Variants in GRID2 observed in about 807,000 individuals in gnomAD.
GRID2 encodes glutamate receptor ionotropic, delta-2.
A neutral mutation model predicts 114.8 loss-of-function variants in GRID2; 33 were observed. The ratio of observed to expected loss-of-function variants is 0.29; its 90% CI spans 0.22 to 0.38. GRID2 has a LOEUF of 0.38. Ranked by LOEUF, GRID2 falls within the 10% of genes least tolerant of loss-of-function variation. The pLI, the probability that GRID2 is intolerant of heterozygous loss-of-function variation, is 1.00. For synonymous variants in GRID2, 505 were observed against 449.9 expected (o/e 1.12, Z -1.55); for missense variants, 1,184 against 1,257.7 (o/e 0.94, Z 0.89).
chr4:92,582,847 C>T (rs1728247035), intron 1 of GRID2, among the ~76,000 whole-genome samples: 1 of 151,608 alleles, frequency 6.6e-6, no homozygotes, highest in African/African-American at 2.4e-5. Context: ...ATTAGCCAAG[C>T]TTGGTTGCAT....
chr4:93,586,326 T>C (rs1376336173), intron 13 of GRID2, among the ~76,000 whole-genome samples: 1 of 152,054 alleles, frequency 6.6e-6, no homozygotes, highest in African/African-American at 2.4e-5. Flanking sequence ...TTTTCTCATA[T>C]CCTTCACCTT....
At chr4:92,372,247 T>C (rs1242766444) in intron 1 of GRID2, among the ~76,000 whole-genome samples, 1 of 152,198 alleles carries the variant, frequency 6.6e-6, no homozygotes, top group Non-Finnish European at 1.5e-5. Context: ...GTTTAGAGCA[T>C]GGACTCCAAT....
intron 1 of GRID2, among the ~76,000 whole-genome samples, chr4:92,320,517 C>T (rs1297432077): frequency 6.6e-6 from 1 of 151,986 alleles, no homozygotes; most frequent in Non-Finnish European, 1.5e-5. Flanking sequence ...CTCTGTTGCC[C>T]AGACTGGAGT....
At chr4:92,996,772 G>T (rs1755225337) in intron 2 of GRID2, among the ~76,000 whole-genome samples, 1 of 152,074 alleles carries the variant, frequency 6.6e-6, no homozygotes, top group Non-Finnish European at 1.5e-5. Flanking sequence ...GTTGGAGCAG[G>T]CCTAATGTCT....
intron 8 of GRID2, among the ~76,000 whole-genome samples, chr4:93,385,035 A>G (rs550066789): frequency 2.4e-4 from 37 of 152,330 alleles, no homozygotes; most frequent in African/African-American, 7.9e-4. Context: ...ACTCTGCAAT[A>G]AAATAAAAAT....
chr4:93,398,123 A>ATGTG (rs151125359), intron 9 of GRID2, among the ~76,000 whole-genome samples: 2 of 131,600 alleles, frequency 1.5e-5, no homozygotes, highest in African/African-American at 3.2e-5. Flanking sequence ...ACATACATGT[A>ATGTG]TGTGTGTGTG....
Position 93,224,628 on chromosome 4 carries a change from C to T in GRID2, c.978C>T (p.Tyr326=), listed in dbSNP as rs150053332. 7.7e-5 allele frequency: 124 copies of T among 1,608,448 alleles called. 1 individual carries two copies. The African/African-American group carries it at 1.6e-3, about 20-fold the overall frequency. ...FAQNMEISNL[Y]IYDTVLLLAN... Reference sequence around the variant, plus strand: ...TGTCTTTTCAGATTTCCAACCTTTACATATATGACACGGTGCTTCTGCTTG... The same window carrying T: ...TGTCTTTTCAGATTTCCAACCTTTATATATATGACACGGTGCTTCTGCTTG... The change falls in exon 7 of 16, where the codon TAC becomes TAT. Residue 326 remains tyrosine (Y), a synonymous_variant. Transcript: ENST00000282020.
intron 11 of GRID2, among the ~76,000 whole-genome samples, chr4:93,472,637 T>C (rs935425182): frequency 6.6e-6 from 1 of 152,136 alleles, no homozygotes; most frequent in African/African-American, 2.4e-5. Flanking sequence ...TTTTTGCATA[T>C]GAATGGAACA....
intron 4 of GRID2, among the ~76,000 whole-genome samples, chr4:93,138,690 C>T (rs1360588659): frequency 6.6e-6 from 1 of 152,204 alleles, no homozygotes; most frequent in Non-Finnish European, 1.5e-5. Flanking sequence ...CAGTTCTCTT[C>T]CTATCTCTAT....
chr4:93,363,993 T>A (rs1762107206), intron 8 of GRID2, among the ~76,000 whole-genome samples: 1 of 152,066 alleles, frequency 6.6e-6, no homozygotes, highest in South Asian at 2.1e-4. Context: ...CTCAGTTAAA[T>A]TCTCTTGCCA....
At chr4:92,731,990 G>A (rs998128618) in intron 2 of GRID2, among the ~76,000 whole-genome samples, 2 of 151,872 alleles carry the variant, frequency 1.3e-5, no homozygotes, top group Non-Finnish European at 2.9e-5. Context: ...CTTAGGGTAT[G>A]TAGTCTTATC....
intron 1 of GRID2, among the ~76,000 whole-genome samples, chr4:92,573,943 G>T (rs182944917): frequency 3.3e-5 from 5 of 152,130 alleles, no homozygotes; most frequent in African/African-American, 9.7e-5. Flanking sequence ...AGAAGCCTAA[G>T]TCTCTTTAAA....
At chr4:93,400,509 A>C (rs1765770616) in intron 9 of GRID2, among the ~76,000 whole-genome samples, 1 of 152,130 alleles carries the variant, frequency 6.6e-6, no homozygotes, top group Admixed American at 6.6e-5. Context: ...GCAATAAATG[A>C]CCAATTAAGT....
chr4:93,228,373 A>G (rs997425648), intron 7 of GRID2, among the ~76,000 whole-genome samples: 13 of 152,184 alleles, frequency 8.5e-5, no homozygotes, highest in Admixed American at 7.2e-4. Flanking sequence ...CAATAACAGC[A>G]TTAATCCGTT....
intron 13 of GRID2, among the ~76,000 whole-genome samples, chr4:93,544,792 G>A (rs201308440): frequency 3.5e-5 from 5 of 144,440 alleles, no homozygotes; most frequent in African/African-American, 7.7e-5. Context: ...AAAAAAAAAA[G>A]AAAAAAAGAA....
intron 2 of GRID2, among the ~76,000 whole-genome samples, chr4:92,837,057 C>T (rs557358078): frequency 1.2e-3 from 187 of 152,098 alleles, no homozygotes; most frequent in Non-Finnish European, 1.9e-3. Flanking sequence ...GAGAGTATTG[C>T]CAAGGAAGTG....
chr4:92,412,737 A>G (rs1486546784), intron 1 of GRID2, among the ~76,000 whole-genome samples: 1 of 152,130 alleles, frequency 6.6e-6, no homozygotes, highest in Non-Finnish European at 1.5e-5. Flanking sequence ...GTTGCACTTT[A>G]CAAGGCAGAA....
chr4:93,097,338 GGA>G (rs1332563697), intron 3 of GRID2, among the ~76,000 whole-genome samples: 7 of 135,316 alleles, frequency 5.2e-5, no homozygotes, highest in African/African-American at 9.7e-5. Flanking sequence ...AAAAGGTAAA[GGA>G]AAGGAAAAAG....
intron 8 of GRID2, among the ~76,000 whole-genome samples, chr4:93,389,105 G>A (rs892715752): frequency 1.1e-4 from 17 of 152,104 alleles, no homozygotes; most frequent in Admixed American, 6.6e-5. Flanking sequence ...CATGGTAAAA[G>A]GCACTGTAAT....
Sources: gnomAD v4.1 joint callset for allele counts (sites outside exome capture counted in the v4.1 genomes callset) on GRCh38, gnomAD v4.1.1 for gene constraint, MANE v1.5 for transcripts, NCBI Gene and HGNC (gene_info 2026-07-23, HGNC 2026-07-21) for gene names.